The following CENPE variants were observed in gnomAD, a reference collection of about 807,000 sequenced individuals.
The protein encoded by CENPE is centromere-associated protein E.
In CENPE, 145 loss-of-function variants were observed where a neutral mutation model predicts 336.1. That is an observed-to-expected ratio of 0.43 (90% confidence interval 0.38 to 0.50). CENPE has a LOEUF of 0.50. Among genes scored for constraint, CENPE ranks in the 20% least tolerant of loss-of-function variants. CENPE has a pLI of 0.00. For missense variants in CENPE, 2,719 were observed against 3,023.3 expected (o/e 0.90, Z 2.36); for synonymous variants, 1,013 against 984.8 (o/e 1.03, Z -0.54).
At chr4:103,112,409 A>G (rs1486039936) in intron 46 of CENPE, among the ~76,000 whole-genome samples, 1 of 138,714 alleles carries the variant, frequency 7.2e-6, no homozygotes, top group Non-Finnish European at 1.6e-5. Flanking sequence ...ACACTTACAT[A>G]TATATGTATA....
chr4:103,140,029 A>T lies in CENPE; in HGVS notation c.5964T>A (p.Asp1988Glu). The T allele has an allele frequency of 6.2e-7, 1 of 1,612,268 alleles. No individual in the cohort carries two copies. The highest frequency in any genetic ancestry group is 8.5e-7 in the Non-Finnish European group (1 of 1,179,070). Residue 1988 changes from aspartate (D) to glutamate (E), a missense_variant, in exon 38 of 49, where the codon GAT becomes GAA. Physicochemically the swap from Asp to Glu is conservative, Grantham distance 45 (BLOSUM62 2). Coordinates refer to ENST00000265148, the MANE Select transcript of CENPE (RefSeq NM_001813.3). ...KELQLLRVKE[D>E]VNMSHKKINE... ...TAATTTTTTTATGACTCATATTGAC[A>T]TCTTCTTTCACTCTAAGCAGTTGAA...
At chr4:103,163,589 A>G (rs770848300) in intron 16 of CENPE, 36 bp from the exon 17 acceptor site, 2 of 968,080 alleles carry the variant, frequency 2.1e-6, no homozygotes, top group Non-Finnish European at 2.9e-6. Flanking sequence ...AGAGCAAACC[A>G]ATAGTTAATA....
At chr4:103,186,668 AGAG>A (rs1380337968) in intron 8 of CENPE, among the ~76,000 whole-genome samples, 1 of 152,238 alleles carries the variant, frequency 6.6e-6, no homozygotes, top group Non-Finnish European at 1.5e-5. Context: ...CATTCTACAT[AGAG>A]GAGGAGGCTG....
Position 103,196,228 on chromosome 4 carries a change from G to A in CENPE, c.173C>T (p.Thr58Ile). The part of the protein sequence containing the change: ...NFDRVFHGNE[T>I]TKNVYEEIAA... The stretch of plus-strand genomic sequence containing the variant: ...TATTTCTTCATACACATTTTTGGTA[G>A]TTTCATTACCATGAAAGACACGATC... The change falls in exon 3 of 49, where the codon ACT (threonine) becomes ATT (isoleucine). Residue 58 changes from threonine to isoleucine, a missense_variant. This residue lies in a region of CENPE where 106 missense variants were observed against 189.3 expected (regional missense o/e 0.56). Transcript: ENST00000265148. The A allele has an allele frequency of 3.1e-6, 5 of 1,612,814 alleles. No individual in the cohort carries two copies. The highest frequency in any genetic ancestry group is 4.2e-6 in the Non-Finnish European group (5 of 1,179,154).
intron 42 of CENPE, among the ~76,000 whole-genome samples, chr4:103,132,400 G>C (rs1015431066): frequency 6.6e-6 from 1 of 152,118 alleles, no homozygotes; most frequent in Non-Finnish European, 1.5e-5. Flanking sequence ...TCGTGGAAAA[G>C]GCTCAGTTCT....
At chr4:103,120,427 T>G in intron 43 of CENPE, 94 bp from the exon 44 acceptor site, 2 of 1,050,378 alleles carry the variant, frequency 1.9e-6, no homozygotes, top group Non-Finnish European at 2.7e-6. Flanking sequence ...TAGATATTGT[T>G]AATTTTTCAC....
chr4:103,117,540 T>C (rs552313330), intron 44 of CENPE, among the ~76,000 whole-genome samples: 7 of 152,190 alleles, frequency 4.6e-5, no homozygotes, highest in African/African-American at 1.7e-4. Context: ...TGTCATATAC[T>C]TGAAATCATA....
intron 42 of CENPE, among the ~76,000 whole-genome samples, chr4:103,125,988 C>T (rs1751064017): frequency 6.6e-6 from 1 of 152,038 alleles, no homozygotes; most frequent in Admixed American, 6.5e-5. Context: ...GGATGCTCCC[C>T]AAACTGGAGA....
At chr4:103,139,229 A>C (rs113732263) in intron 38 of CENPE, among the ~76,000 whole-genome samples, 1,548 of 152,348 alleles carry the variant, frequency 0.01, 30 homozygotes, top group African/African-American at 0.035. Flanking sequence ...ACATAAAGAA[A>C]TATGAGAATA....
intron 24 of CENPE, among the ~76,000 whole-genome samples, chr4:103,154,383 G>A (rs1753801441): frequency 6.6e-6 from 1 of 151,624 alleles, no homozygotes; most frequent in Non-Finnish European, 1.5e-5. Flanking sequence ...TAGATCATAT[G>A]TATTTTCACA....
intron 34 of CENPE, among the ~76,000 whole-genome samples, chr4:103,142,791 T>C (rs1403034296): frequency 1.3e-5 from 2 of 151,862 alleles, no homozygotes; most frequent in Admixed American, 6.6e-5. Context: ...GGGTGGATCA[T>C]GAGGTCAGGA....
chr4:103,159,166 A>T lies in CENPE; in HGVS notation c.2445T>A (p.Thr815=), dbSNP rs759498944. The change falls in exon 22 of 49, where the codon ACT becomes ACA. Residue 815 remains threonine, a synonymous_variant. Transcript: ENST00000265148. ...LATTQSNYKS[T]DQEFQNFKTL... ...TTTTGAAATTTTGGAATTCTTGATC[A>T]GTGCTTTTATAATTCGACTGTGTAG... 1 of 1,611,960 alleles carries T rather than the reference A, an allele frequency of 6.2e-7. No individual in the cohort carries two copies. Among genetic ancestry groups the T allele is most frequent in the African/African-American group, 1.3e-5 (1 of 74,890 alleles).
intron 47 of CENPE, 59 bp from the exon 48 acceptor site, chr4:103,109,148 C>A: frequency 7.8e-7 from 1 of 1,286,812 alleles, no homozygotes; most frequent in South Asian, 1.6e-5. Flanking sequence ...AAGATGTATT[C>A]ACATTTATAT....
intron 39 of CENPE, among the ~76,000 whole-genome samples, chr4:103,137,946 C>A (rs190884083): frequency 6.6e-6 from 1 of 152,158 alleles, no homozygotes; most frequent in African/African-American, 2.4e-5. Flanking sequence ...CCACAGCTTG[C>A]CTCTTCCCTG....
intron 42 of CENPE, among the ~76,000 whole-genome samples, chr4:103,129,449 G>C (rs978794930): frequency 2.6e-5 from 4 of 152,118 alleles, no homozygotes; most frequent in Non-Finnish European, 4.4e-5. Context: ...CATAAAAAGA[G>C]ATGTAAAAGC....
chr4:103,169,660 A>T (rs1755229639), intron 16 of CENPE, among the ~76,000 whole-genome samples: 1 of 152,218 alleles, frequency 6.6e-6, no homozygotes, highest in Non-Finnish European at 1.5e-5. Flanking sequence ...ATGTGGAGAA[A>T]TAGGAATGCT....
At chr4:103,120,666 A>G (rs1356416789) in intron 43 of CENPE, among the ~76,000 whole-genome samples, 1 of 152,206 alleles carries the variant, frequency 6.6e-6, no homozygotes, top group African/African-American at 2.4e-5. Context: ...TTACATGAAC[A>G]CCACTTAAAC....
chr4:103,123,060 C>T lies in CENPE; in HGVS notation c.6954G>A (p.Glu2318=). The T allele has an allele frequency of 6.2e-7, 1 of 1,613,740 alleles. No homozygotes were observed. The highest frequency in any genetic ancestry group is 1.1e-5 in the South Asian group (1 of 91,060). Residue 2318 remains glutamate (E), a synonymous_variant, in exon 43 of 49, where the codon GAG becomes GAA. Transcript: ENST00000265148. The stretch of plus-strand genomic sequence containing the variant: ...CTTTGGATATGGTAGCACTTCTTTC[C>T]TCAAACTCTGTTGATTCATTCATTA... ...IAIMNESTEF[E]ERSATISKEW... is the part of the protein sequence containing the mutation.
chr4:103,153,292 A>G, intron 24 of CENPE, 42 bp from the exon 25 acceptor site: 1 of 1,326,206 alleles, frequency 7.5e-7, no homozygotes, highest in Non-Finnish European at 1.1e-6. Flanking sequence ...TTAAGTAGTT[A>G]ACAACAACTT....
Sources: gnomAD v4.1 joint callset for allele counts (sites outside exome capture counted in the v4.1 genomes callset) on GRCh38, gnomAD v4.1.1 for gene constraint, gnomAD v4.1.1 regional missense constraint, MANE v1.5 for transcripts, NCBI Gene and HGNC (gene_info 2026-07-23, HGNC 2026-07-21) for gene names.